Variants in NELL1 observed in about 807,000 individuals in gnomAD.
NELL1 encodes the protein protein kinase C-binding protein NELL1.
A neutral mutation model predicts 107.4 loss-of-function variants in NELL1; 76 were observed. The ratio of observed to expected loss-of-function variants is 0.71; its 90% CI spans 0.59 to 0.86. NELL1 has a LOEUF of 0.86. Among genes scored for constraint, NELL1 ranks in the 40% least tolerant of loss-of-function variants. The pLI is 0.00. For synonymous variants in NELL1, 353 were observed against 341.2 expected, an observed-to-expected ratio of 1.03 and a Z score of -0.38; for missense variants, 1,024 against 1,005.5, an observed-to-expected ratio of 1.02 and a Z score of -0.25.
chr11:20,965,007 A>G (rs528480784), intron 12 of NELL1, among the ~76,000 whole-genome samples: 3 of 152,236 alleles, frequency 2.0e-5, no homozygotes, highest in East Asian at 1.9e-4. Flanking sequence ...CTTGTGCGTA[A>G]TAGCGTAAGC....
chr11:20,801,249 C>T (rs890256511), intron 3 of NELL1, among the ~76,000 whole-genome samples: 2 of 152,104 alleles, frequency 1.3e-5, no homozygotes, highest in African/African-American at 4.8e-5. Flanking sequence ...TTAAAAAATA[C>T]GTTAGACTTC....
chr11:21,570,928 G>A lies in NELL1; in HGVS notation c.2145G>A (p.Gln715=), dbSNP rs145190050. ...SGDNWTHSCQ[Q]CRCLEGEVDC... is the part of the protein sequence containing the mutation. ...ACAATTGGACCCATAGCTGTCAGCA[G>A]TGTCGGTGTCTGGTATGTTGGCTTC... The change falls in exon 18 of 20, where the codon CAG becomes CAA. Residue 715 remains glutamine (Q), a synonymous_variant. Transcript: ENST00000357134. The A allele has an allele frequency of 1.2e-6, 2 of 1,611,244 alleles. No homozygotes were observed. Among genetic ancestry groups the A allele is most frequent in the Admixed American group, 1.7e-5 (1 of 59,856 alleles).
chr11:21,306,904 G>T (rs1372276818), intron 14 of NELL1, among the ~76,000 whole-genome samples: 3 of 152,012 alleles, frequency 2.0e-5, no homozygotes, highest in African/African-American at 7.2e-5. Flanking sequence ...AGGAGCTAAG[G>T]TCAGCAGGCA....
chr11:20,781,874 C>CA (rs138345829), intron 2 of NELL1, among the ~76,000 whole-genome samples: 46,130 of 77,640 alleles, frequency 0.59, 14,816 homozygotes, highest in East Asian at 0.79. Flanking sequence ...ACCAAAAATA[C>CA]AAAAAAAAAA....
At chr11:21,286,196 G>A (rs1335938032) in intron 14 of NELL1, among the ~76,000 whole-genome samples, 1 of 152,180 alleles carries the variant, frequency 6.6e-6, no homozygotes, top group Non-Finnish European at 1.5e-5. Flanking sequence ...TAAAGTCAGG[G>A]CCAGGATTTG....
At chr11:21,574,936 T>C in intron 19 of NELL1, 36 bp from the exon 20 acceptor site, 1 of 1,589,520 alleles carries the variant, frequency 6.3e-7, no homozygotes, top group Non-Finnish European at 8.6e-7. Flanking sequence ...ATATTCCATG[T>C]CTCAACTGGC....
chr11:20,762,372 C>T (rs896586472), intron 2 of NELL1, among the ~76,000 whole-genome samples: 4 of 152,192 alleles, frequency 2.6e-5, no homozygotes, highest in African/African-American at 7.2e-5. Context: ...TCTGCGGTTA[C>T]GGATGAACCC....
intron 2 of NELL1, among the ~76,000 whole-genome samples, chr11:20,696,378 G>T (rs1854617692): frequency 6.6e-6 from 1 of 151,828 alleles, no homozygotes; most frequent in East Asian, 1.9e-4. Context: ...GGTCATTTTT[G>T]TCTTGTTACT....
At chr11:20,791,298 TTTG>T (rs756170599) in intron 3 of NELL1, among the ~76,000 whole-genome samples, 22 of 152,216 alleles carry the variant, frequency 1.4e-4, no homozygotes, top group Admixed American at 3.3e-4. Context: ...TTTCGTGGCT[TTTG>T]TTAATTTATT....
chr11:21,295,311 A>G (rs1405895924), intron 14 of NELL1, among the ~76,000 whole-genome samples: 1 of 152,072 alleles, frequency 6.6e-6, no homozygotes, highest in East Asian at 1.9e-4. Flanking sequence ...TTAACTAGAT[A>G]TTTGTGAACG....
At chr11:21,278,495 G>C (rs1288164484) in intron 14 of NELL1, among the ~76,000 whole-genome samples, 1 of 151,976 alleles carries the variant, frequency 6.6e-6, no homozygotes, top group Non-Finnish European at 1.5e-5. Context: ...TCTGTATACT[G>C]GCAATGAACA....
chr11:20,793,624 T>G (rs1590300090), intron 3 of NELL1, among the ~76,000 whole-genome samples: 1 of 152,176 alleles, frequency 6.6e-6, no homozygotes, highest in East Asian at 1.9e-4. Context: ...TATGTTTCCT[T>G]GTGAATATTG....
At chr11:20,710,327 T>C (rs1243865358) in intron 2 of NELL1, among the ~76,000 whole-genome samples, 1 of 152,160 alleles carries the variant, frequency 6.6e-6, no homozygotes, top group African/African-American at 2.4e-5. Context: ...TGTTTCTAAT[T>C]GTCTGTGTGA....
chr11:20,906,790 A>G (rs1372077114), intron 5 of NELL1, among the ~76,000 whole-genome samples: 1 of 152,088 alleles, frequency 6.6e-6, no homozygotes, highest in Non-Finnish European at 1.5e-5. Context: ...ACAAAATCCA[A>G]TATCTTGTCA....
intron 12 of NELL1, among the ~76,000 whole-genome samples, chr11:21,042,733 G>A (rs920068573): frequency 2.6e-5 from 4 of 152,058 alleles, no homozygotes; most frequent in African/African-American, 9.7e-5. Flanking sequence ...AGGTGATGAC[G>A]TTTGAAAACA....
At chr11:20,703,471 T>C (rs1428056603) in intron 2 of NELL1, among the ~76,000 whole-genome samples, 1 of 152,232 alleles carries the variant, frequency 6.6e-6, no homozygotes, top group African/African-American at 2.4e-5. Context: ...TCATTGGTTT[T>C]TTTGAAGGTT....
chr11:20,704,127 G>C (rs1031899387), intron 2 of NELL1, among the ~76,000 whole-genome samples: 2 of 152,090 alleles, frequency 1.3e-5, no homozygotes, highest in African/African-American at 4.8e-5. Context: ...CATTATTATT[G>C]TGTGAGAGTC....
chr11:20,695,926 G>T (rs1489485581), intron 2 of NELL1, among the ~76,000 whole-genome samples: 1 of 151,800 alleles, frequency 6.6e-6, no homozygotes, highest in Non-Finnish European at 1.5e-5. Context: ...TGGTAGATAG[G>T]ATTTTTTAAA....
intron 3 of NELL1, among the ~76,000 whole-genome samples, chr11:20,792,628 G>T (rs1857097467): frequency 6.6e-6 from 1 of 151,664 alleles, no homozygotes; most frequent in African/African-American, 2.4e-5. Context: ...TTTTGTGTCT[G>T]CCCCCTTTTA....
Sources: allele counts gnomAD v4.1 joint callset (sites outside exome capture counted in the v4.1 genomes callset), GRCh38; gene constraint gnomAD v4.1.1; transcripts MANE v1.5; gene names NCBI Gene and HGNC (gene_info 2026-07-23, HGNC 2026-07-21).